ANKS1B: variants seen among roughly 807,000 people sequenced by gnomAD.
The protein encoded by ANKS1B is ankyrin repeat and sterile alpha motif domain containing 1B.
A neutral mutation model predicts 148.3 loss-of-function variants in ANKS1B; 36 were observed. That is an observed-to-expected ratio of 0.24 (90% CI 0.19 to 0.32). The LOEUF (loss-of-function observed/expected upper bound fraction) is 0.32. Among genes scored for constraint, ANKS1B ranks in the 10% least tolerant of loss-of-function variants. ANKS1B has a pLI of 1.00. For missense variants in ANKS1B, 1,157 were observed against 1,542.6 expected, an observed-to-expected ratio of 0.75 and a Z score of 4.19; for synonymous variants, 542 against 560.8, an observed-to-expected ratio of 0.97 and a Z score of 0.47.
chr12:99,790,183 A>G (rs1205007689), intron 4 of ANKS1B, among the ~76,000 whole-genome samples: 1 of 152,210 alleles, frequency 6.6e-6, no homozygotes, highest in Non-Finnish European at 1.5e-5. Flanking sequence ...TTCAATGGAA[A>G]TCTTACAGGT....
rs1365294836 is a variant in ANKS1B, at chr12:98,751,513, A to G, written c.3589T>C (p.Tyr1197His). Residue 1197 changes from tyrosine to histidine, a missense_variant, in exon 26 of 27, where the codon TAT becomes CAT. Physicochemically the swap from Tyr to His is moderately conservative, Grantham distance 83 (BLOSUM62 2). This residue lies in a region of ANKS1B where 258 missense variants were observed against 497.0 expected (regional missense o/e 0.52). Coordinates refer to ENST00000683438, the MANE Select transcript of ANKS1B (RefSeq NM_001352186.2). The surrounding 1 kb of genome is among the most constrained non-coding windows in gnomAD (Gnocchi z 4.3). Reference protein sequence around the residue: ...VFTAFDVNLAYEIILTLGQAF... With the variant: ...VFTAFDVNLAHEIILTLGQAF... ...TGTCCCAGGGTTAGGATGATTTCAT[A>G]GGCTAAATTCTGCAAGAAAAATGAG... 1 of 1,613,556 alleles carries G rather than the reference A, an allele frequency of 6.2e-7. No homozygotes were observed. The highest frequency in any genetic ancestry group is 1.1e-5 in the South Asian group (1 of 90,958).
chr12:99,716,154 T>C (rs913883997), intron 8 of ANKS1B, among the ~76,000 whole-genome samples: 7 of 152,056 alleles, frequency 4.6e-5, no homozygotes, highest in African/African-American at 1.7e-4. Flanking sequence ...CGATCCCTTA[T>C]TTCCGTGCCC....
chr12:99,054,516 T>C (rs2099968315), intron 16 of ANKS1B, among the ~76,000 whole-genome samples: 1 of 152,186 alleles, frequency 6.6e-6, no homozygotes, highest in African/African-American at 2.4e-5. Context: ...CTAGTTTCCA[T>C]TTCAAAGTTT....
intron 17 of ANKS1B, among the ~76,000 whole-genome samples, chr12:98,944,070 C>A (rs145285668): frequency 1.3e-5 from 2 of 152,058 alleles, no homozygotes; most frequent in African/African-American, 2.4e-5. Context: ...GAGGCCGAGG[C>A]GGTTGGAACA....
At chr12:98,781,630 C>T (rs1044599923) in intron 23 of ANKS1B, 20 of 359,972 alleles carry the variant, frequency 5.6e-5, no homozygotes, top group Non-Finnish European at 9.2e-5. Context: ...ATATGCACCC[C>T]CCCTTTTCCT....
At chr12:98,888,766 C>T (rs530510080) in intron 17 of ANKS1B, among the ~76,000 whole-genome samples, 1 of 152,226 alleles carries the variant, frequency 6.6e-6, no homozygotes, top group Non-Finnish European at 1.5e-5. Context: ...TTTCTAATTT[C>T]TCCCTCCATC....
chr12:99,171,165 A>G (rs1404475698), intron 14 of ANKS1B, among the ~76,000 whole-genome samples: 1 of 152,164 alleles, frequency 6.6e-6, no homozygotes, highest in Non-Finnish European at 1.5e-5. Flanking sequence ...ATCTCGACTA[A>G]CAAATCTATT....
chr12:99,411,413 A>G (rs532795941), intron 11 of ANKS1B, among the ~76,000 whole-genome samples: 1 of 152,306 alleles, frequency 6.6e-6, no homozygotes, highest in African/African-American at 2.4e-5. Context: ...ATAGTATTCC[A>G]CAGTGTATAT....
At chr12:99,667,897 C>A (rs2098517379) in intron 8 of ANKS1B, among the ~76,000 whole-genome samples, 1 of 152,172 alleles carries the variant, frequency 6.6e-6, no homozygotes, top group African/African-American at 2.4e-5. Context: ...ATATATCCCA[C>A]TTGGTTGTAA....
At chr12:99,850,279 A>C (rs1310889806) in intron 1 of ANKS1B, among the ~76,000 whole-genome samples, 2 of 51,936 alleles carry the variant, frequency 3.9e-5, no homozygotes, top group Non-Finnish European at 7.7e-5. Context: ...AGAAGCAAGA[A>C]AGTCTCTCTC....
At chr12:98,735,569 T>C in exon 10 of ANKS1B, 1 of 770,260 alleles carries the variant, frequency 1.3e-6, no homozygotes, top group Non-Finnish European at 2.4e-6. Flanking sequence ...ATCAAAATTT[T>C]CTGAGTGCCT....
intron 17 of ANKS1B, among the ~76,000 whole-genome samples, chr12:99,046,263 C>T (rs984794703): frequency 6.6e-6 from 1 of 151,844 alleles, no homozygotes; most frequent in Admixed American, 6.6e-5. Flanking sequence ...CCAAAAATAT[C>T]TGTAGGAATA....
intron 1 of ANKS1B, among the ~76,000 whole-genome samples, chr12:99,899,930 G>T (rs967322256): frequency 6.6e-6 from 1 of 150,460 alleles, no homozygotes; most frequent in Non-Finnish European, 1.5e-5. Flanking sequence ...ATGGAATCTC[G>T]CTTTGTCGCC....
chr12:99,667,007 A>T (rs1383414775), intron 8 of ANKS1B, among the ~76,000 whole-genome samples: 1 of 152,036 alleles, frequency 6.6e-6, no homozygotes, highest in East Asian at 1.9e-4. Flanking sequence ...TTCATCTTAT[A>T]ACTGAAAATT....
At chr12:99,493,662 A>G (rs1256399395) in intron 10 of ANKS1B, among the ~76,000 whole-genome samples, 3 of 152,202 alleles carry the variant, frequency 2.0e-5, no homozygotes, top group Admixed American at 6.5e-5. Flanking sequence ...AATGACCTTC[A>G]GGCTGGATGA....
At chr12:99,668,647 C>T (rs11109984) in intron 8 of ANKS1B, among the ~76,000 whole-genome samples, 18,882 of 151,220 alleles carry the variant, frequency 0.12, 1,797 homozygotes, top group East Asian at 0.47. Context: ...TTTTGTCATG[C>T]TTTGCATTTG....
At chr12:99,890,602 TG>T (rs1439198526) in intron 1 of ANKS1B, among the ~76,000 whole-genome samples, 75 of 151,536 alleles carry the variant, frequency 4.9e-4, no homozygotes, top group South Asian at 6.4e-4. Flanking sequence ...TGTGTGTGTG[TG>T]TGTGTGTGTG....
intron 17 of ANKS1B, among the ~76,000 whole-genome samples, chr12:98,883,947 T>A (rs553711884): frequency 4.4e-4 from 67 of 152,320 alleles, no homozygotes; most frequent in African/African-American, 1.5e-3. Context: ...AATAAAGCAC[T>A]GTTTTAAGAT....
At chr12:99,869,605 CG>C (rs2091224131) in intron 1 of ANKS1B, among the ~76,000 whole-genome samples, 1 of 151,368 alleles carries the variant, frequency 6.6e-6, no homozygotes, top group Non-Finnish European at 1.5e-5. Flanking sequence ...CACTTGAACC[CG>C]AGAGGCAAAG....
Sources: allele counts gnomAD v4.1 joint callset (sites outside exome capture counted in the v4.1 genomes callset), GRCh38; gene constraint gnomAD v4.1.1; regional missense constraint gnomAD v4.1.1; non-coding constraint Gnocchi (gnomAD v3.1); transcripts MANE v1.5; gene names NCBI Gene and HGNC (gene_info 2026-07-23, HGNC 2026-07-21).